Variants in SPAG16 observed in about 807,000 individuals in gnomAD.
SPAG16 encodes the protein sperm-associated antigen 16 protein.
Under a neutral mutation model 80.4 loss-of-function variants are expected in SPAG16, and 86 were observed. The ratio of observed to expected loss-of-function variants is 1.07; its 90% CI spans 0.90 to 1.28. SPAG16 has a LOEUF of 1.28. Ranked by LOEUF, SPAG16 falls within the 50% of genes most tolerant of loss-of-function variation. The pLI, the probability that SPAG16 is intolerant of heterozygous loss-of-function variation, is 0.00. For missense variants in SPAG16, 870 were observed against 765.3 expected (o/e 1.14, Z -1.61); for synonymous variants, 294 against 265.9 (o/e 1.11, Z -1.03).
intron 10 of SPAG16, among the ~76,000 whole-genome samples, chr2:213,644,856 G>A (rs1052925127): frequency 3.3e-5 from 5 of 152,128 alleles, no homozygotes; most frequent in Non-Finnish European, 7.4e-5. Flanking sequence ...ACTACTTCCT[G>A]GCCACTGCTT....
intron 10 of SPAG16, among the ~76,000 whole-genome samples, chr2:213,793,428 TC>T (rs909446739): frequency 2.0e-5 from 3 of 152,178 alleles, no homozygotes; most frequent in African/African-American, 7.2e-5. Flanking sequence ...TACATGCCAC[TC>T]CTTCTGCTTA....
chr2:214,233,858 G>C (rs1192932566), intron 15 of SPAG16, among the ~76,000 whole-genome samples: 1 of 151,976 alleles, frequency 6.6e-6, no homozygotes, highest in African/African-American at 2.4e-5. Flanking sequence ...CATGTATGCA[G>C]TTTTTTGTTC....
At chr2:213,315,362 A>G (rs1310155261) in intron 4 of SPAG16, among the ~76,000 whole-genome samples, 3 of 151,854 alleles carry the variant, frequency 2.0e-5, no homozygotes, top group Non-Finnish European at 1.5e-5. Flanking sequence ...ATGTTATCTG[A>G]AGCCAACTCT....
At chr2:214,099,089 C>T (rs2052807340) in intron 13 of SPAG16, among the ~76,000 whole-genome samples, 1 of 151,970 alleles carries the variant, frequency 6.6e-6, no homozygotes, top group Non-Finnish European at 1.5e-5. Context: ...AGGTTTAAAA[C>T]CCACTCTGAT....
intron 15 of SPAG16, among the ~76,000 whole-genome samples, chr2:214,274,871 G>T (rs1181782730): frequency 6.6e-6 from 1 of 152,150 alleles, no homozygotes; most frequent in African/African-American, 2.4e-5. Context: ...AGAAGCAATG[G>T]TACCAGCTCC....
chr2:213,591,835 C>T (rs1176725472), intron 10 of SPAG16, among the ~76,000 whole-genome samples: 1 of 152,106 alleles, frequency 6.6e-6, no homozygotes, highest in Non-Finnish European at 1.5e-5. Flanking sequence ...TCAGACAACA[C>T]CTGTGGGATG....
intron 15 of SPAG16, among the ~76,000 whole-genome samples, chr2:214,174,869 C>T (rs1445519343): frequency 1.3e-5 from 2 of 151,620 alleles, no homozygotes; most frequent in Non-Finnish European, 3.0e-5. Context: ...GGCCAGAGGC[C>T]CTCAATAAAT....
chr2:213,724,889 G>A (rs954945525), intron 10 of SPAG16, among the ~76,000 whole-genome samples: 3 of 151,258 alleles, frequency 2.0e-5, no homozygotes, highest in Non-Finnish European at 4.4e-5. Flanking sequence ...CAGAATTTGT[G>A]AGTATGTGAA....
intron 11 of SPAG16, among the ~76,000 whole-genome samples, chr2:213,906,403 G>A (rs982131119): frequency 4.6e-5 from 7 of 152,168 alleles, no homozygotes; most frequent in Admixed American, 3.9e-4. Flanking sequence ...CATGCTCATG[G>A]ATGGGAAGAA....
intron 10 of SPAG16, among the ~76,000 whole-genome samples, chr2:213,524,479 G>C (rs555802723): frequency 1.1e-4 from 17 of 152,278 alleles, no homozygotes; most frequent in Non-Finnish European, 2.1e-4. Flanking sequence ...AGTTTTCCCT[G>C]TGTGCCTGGA....
intron 13 of SPAG16, among the ~76,000 whole-genome samples, chr2:214,083,255 C>T (rs551231794): frequency 1.3e-5 from 2 of 152,234 alleles, no homozygotes; most frequent in South Asian, 4.1e-4. Context: ...CTCTCATAGA[C>T]ACATCCCCAA....
chr2:214,189,582 A>G (rs2057590326), intron 15 of SPAG16, among the ~76,000 whole-genome samples: 1 of 152,122 alleles, frequency 6.6e-6, no homozygotes, highest in African/African-American at 2.4e-5. Context: ...TCAAGACTAC[A>G]GTGAAATGTG....
chr2:213,482,541 T>G (rs1056151312), intron 9 of SPAG16, among the ~76,000 whole-genome samples: 1 of 152,172 alleles, frequency 6.6e-6, no homozygotes, highest in African/African-American at 2.4e-5. Flanking sequence ...TTCTAATTTT[T>G]TATTTAGAAT....
chr2:214,016,611 T>C (rs1299143006), intron 13 of SPAG16, among the ~76,000 whole-genome samples: 2 of 152,194 alleles, frequency 1.3e-5, no homozygotes, highest in East Asian at 3.9e-4. Context: ...GATCCTCCTT[T>C]GTTCAGATAG....
intron 10 of SPAG16, among the ~76,000 whole-genome samples, chr2:213,702,664 C>A (rs954250660): frequency 2.6e-5 from 4 of 152,070 alleles, no homozygotes; most frequent in African/African-American, 9.7e-5. Context: ...TACAACTATC[C>A]GTAATCTATG....
At chr2:214,379,581 G>T (rs959288975) in intron 15 of SPAG16, among the ~76,000 whole-genome samples, 2 of 152,226 alleles carry the variant, frequency 1.3e-5, no homozygotes, top group African/African-American at 2.4e-5. Context: ...AGGCTAAGAA[G>T]TCTGAAGACA....
At chr2:213,305,782 A>T (rs887014335) in intron 3 of SPAG16, among the ~76,000 whole-genome samples, 1 of 152,146 alleles carries the variant, frequency 6.6e-6, no homozygotes, top group Admixed American at 6.6e-5. Flanking sequence ...AGGATTTTGC[A>T]TCTATGTTCA....
intron 9 of SPAG16, among the ~76,000 whole-genome samples, chr2:213,397,237 G>A (rs150299949): frequency 5.3e-4 from 80 of 152,284 alleles, no homozygotes; most frequent in Admixed American, 9.8e-4. Flanking sequence ...GGGACTTGAT[G>A]TCCACACTCA....
chr2:214,056,388 A>C (rs908399538), intron 13 of SPAG16, among the ~76,000 whole-genome samples: 1 of 151,984 alleles, frequency 6.6e-6, no homozygotes, highest in Non-Finnish European at 1.5e-5. Flanking sequence ...TCTGTTCCAG[A>C]CTACCACAAT....
Sources: gnomAD v4.1 joint callset for allele counts (sites outside exome capture counted in the v4.1 genomes callset) on GRCh38, gnomAD v4.1.1 for gene constraint, MANE v1.5 for transcripts, NCBI Gene and HGNC (gene_info 2026-07-23, HGNC 2026-07-21) for gene names.